The following SVIL variants were observed in gnomAD, a reference collection of about 807,000 sequenced individuals.
The protein encoded by SVIL is archvillin.
Under a neutral mutation model 240.4 loss-of-function variants are expected in SVIL, and 101 were observed. The ratio of observed to expected loss-of-function variants is 0.42; its 90% CI spans 0.36 to 0.50. The LOEUF (loss-of-function observed/expected upper bound fraction) is 0.50, where lower values mean the gene tolerates loss of function less well. Ranked by LOEUF, SVIL falls within the 20% of genes least tolerant of loss-of-function variation. The pLI is 0.01. For synonymous variants in SVIL, 999 were observed against 1,100.0 expected, an observed-to-expected ratio of 0.91 and a Z score of 1.82; for missense variants, 2,512 against 2,818.7, an observed-to-expected ratio of 0.89 and a Z score of 2.46.
chr10:29,539,698 C>T (rs908109751), intron 6 of SVIL, among the ~76,000 whole-genome samples: 1 of 152,218 alleles, frequency 6.6e-6, no homozygotes, highest in Non-Finnish European at 1.5e-5. Context: ...CCCCATCAGA[C>T]TTCTTAGCTG....
chr10:29,716,918 G>A (rs1963644980), intron 1 of SVIL, among the ~76,000 whole-genome samples: 1 of 152,216 alleles, frequency 6.6e-6, no homozygotes, highest in Admixed American at 6.5e-5. Flanking sequence ...GCTTGCTGAA[G>A]CAAGAAATGA....
At chr10:29,712,104 GA>G (rs1963330862) in intron 1 of SVIL, 1 of 152,160 alleles carries the variant, frequency 6.6e-6, no homozygotes, top group Non-Finnish European at 1.5e-5. Context: ...TGTGATATTA[GA>G]ATTATAGAGA....
At chr10:29,732,425 T>C (rs1964675519) in intron 1 of SVIL, among the ~76,000 whole-genome samples, 1 of 152,146 alleles carries the variant, frequency 6.6e-6, no homozygotes, top group Non-Finnish European at 1.5e-5. Flanking sequence ...CAATATACGA[T>C]TTTATATTTC....
At chr10:29,563,358 G>T in intron 2 of SVIL, 66 bp from the exon 3 acceptor site, 1 of 741,524 alleles carries the variant, frequency 1.3e-6, no homozygotes, top group Non-Finnish European at 1.6e-6. Flanking sequence ...AAAAAATGCA[G>T]AACACAAAAA....
intron 6 of SVIL, among the ~76,000 whole-genome samples, chr10:29,540,458 C>G (rs995397977): frequency 6.6e-6 from 1 of 152,216 alleles, no homozygotes; most frequent in South Asian, 2.1e-4. Flanking sequence ...CTTCTCGTCT[C>G]CATTTTATAG....
intron 17 of SVIL, 133 bp downstream of exon 17, chr10:29,512,602 C>T (rs1949916430): frequency 6.8e-7 from 1 of 1,469,264 alleles, no homozygotes; most frequent in Non-Finnish European, 9.3e-7. Flanking sequence ...GACAGACTCT[C>T]AGTGTGTACC....
intron 1 of SVIL, among the ~76,000 whole-genome samples, chr10:29,703,641 C>A (rs528069012): frequency 1.3e-5 from 2 of 152,222 alleles, no homozygotes; most frequent in Non-Finnish European, 2.9e-5. Flanking sequence ...CAGACACCAA[C>A]GTCCAGGGGG....
intron 16 of SVIL, among the ~76,000 whole-genome samples, chr10:29,521,377 G>A (rs1173382013): frequency 2.6e-5 from 4 of 152,196 alleles, no homozygotes; most frequent in African/African-American, 7.2e-5. Flanking sequence ...AGGTGCTGAG[G>A]AAGGGTGGAG....
intron 1 of SVIL, among the ~76,000 whole-genome samples, chr10:29,689,878 A>G (rs969553716): frequency 2.8e-4 from 43 of 152,246 alleles, no homozygotes; most frequent in Non-Finnish European, 8.8e-5. Context: ...CCCCAAATAC[A>G]GAATTTCATG....
chr10:29,663,983 C>A (rs1959187594), intron 2 of SVIL, among the ~76,000 whole-genome samples: 1 of 152,198 alleles, frequency 6.6e-6, no homozygotes, highest in Admixed American at 6.5e-5. Context: ...ACTCCACTAC[C>A]CCTCTGTCCT....
Position 29,470,460 on chromosome 10 carries a change from G to A in SVIL, c.5659C>T (p.Arg1887Cys), listed in dbSNP as rs749173358. The A allele has an allele frequency of 5.0e-6, 8 of 1,613,782 alleles. No homozygotes were observed. The highest frequency in any genetic ancestry group is 6.8e-6 in the Non-Finnish European group (8 of 1,180,038). ...VQSEWRLYCV[R>C]GEVPVEGNLL... ...TTCCCTTCCACGGGCACCTCTCCAC[G>A]CACGCAGTACAGCCGCCACTCACCT... Residue 1887 changes from arginine (R) to cysteine (C), a missense_variant, in exon 32 of 38, where the codon CGT (arginine) becomes TGT (cysteine). Arg to Cys is a radical substitution (Grantham distance 180). Transcript: ENST00000355867.
At chr10:29,636,877 C>T (rs570388507), upstream of SVIL, among the ~76,000 whole-genome samples, 11 of 152,228 alleles carry the variant, frequency 7.2e-5, no homozygotes, top group Admixed American at 2.0e-4. Context: ...AATCATGGCT[C>T]ACTGCAGCCT....
intron 1 of SVIL, among the ~76,000 whole-genome samples, chr10:29,586,935 A>G (rs1956192558): frequency 6.6e-6 from 1 of 152,158 alleles, no homozygotes; most frequent in South Asian, 2.1e-4. Context: ...AAAAATAACT[A>G]ATGGGTACTA....
At chr10:29,668,740 T>C (rs541153262) in intron 2 of SVIL, among the ~76,000 whole-genome samples, 73 of 152,278 alleles carry the variant, frequency 4.8e-4, no homozygotes, top group African/African-American at 1.7e-3. Flanking sequence ...TCCCTGAGGG[T>C]TGGGATTACA....
chr10:29,530,669 C>A lies in SVIL; in HGVS notation c.2045-1G>T. On this transcript the variant is annotated splice_acceptor_variant, in intron 10 of 37. Coordinates refer to ENST00000355867, the MANE Select transcript of SVIL (RefSeq NM_021738.3). LOFTEE classifies it high-confidence loss of function. ...GCTCGTTCATCCACCTTTTCTTCAT[C>A]TGCAAAAAGCCACAAATTAAAAACT... 1.2e-6 allele frequency: 2 copies of A among 1,614,118 alleles called. No individual in the cohort carries two copies. Among genetic ancestry groups the A allele is most frequent in the Non-Finnish European group, 1.7e-6 (2 of 1,179,994 alleles).
chr10:29,475,175 G>A (rs567794326), intron 29 of SVIL, among the ~76,000 whole-genome samples: 1 of 152,266 alleles, frequency 6.6e-6, no homozygotes, highest in Non-Finnish European at 1.5e-5. Flanking sequence ...ACAGGCATGC[G>A]TCACCATGTC....
At chr10:29,653,341 C>T (rs550143416) in intron 3 of SVIL, among the ~76,000 whole-genome samples, 3 of 152,240 alleles carry the variant, frequency 2.0e-5, no homozygotes, top group South Asian at 4.1e-4. Context: ...GCCATGCAGG[C>T]TGTGTCTGCT....
chr10:29,512,620 C>CA, intron 17 of SVIL, 115 bp downstream of exon 17: 1 of 1,577,720 alleles, frequency 6.3e-7, no homozygotes, highest in East Asian at 2.2e-5. Flanking sequence ...ACCCTAAGGG[C>CA]AAAAATGCAC....
At chr10:29,517,649 A>G (rs907743519) in intron 16 of SVIL, among the ~76,000 whole-genome samples, 1 of 152,178 alleles carries the variant, frequency 6.6e-6, no homozygotes, top group African/African-American at 2.4e-5. Context: ...CGGGAAACAC[A>G]GGAGCCTCCA....
Sources: allele counts gnomAD v4.1 joint callset (sites outside exome capture counted in the v4.1 genomes callset), GRCh38; gene constraint gnomAD v4.1.1; transcripts MANE v1.5; gene names NCBI Gene and HGNC (gene_info 2026-07-23, HGNC 2026-07-21).